Variants in PCDH11X observed in about 807,000 individuals in gnomAD.
PCDH11X encodes protocadherin-11 X-linked.
PCDH11X carries 18 observed loss-of-function variants against 53.3 expected under a neutral mutation model. The observed-to-expected ratio is 0.34, with a 90% CI of 0.23 to 0.50. The LOEUF (loss-of-function observed/expected upper bound fraction) is 0.50, where lower values mean the gene tolerates loss of function less well. Among genes scored for constraint, PCDH11X ranks in the 20% least tolerant of loss-of-function variants. The pLI is 0.98. For synonymous variants in PCDH11X, 279 were observed against 393.3 expected (o/e 0.71, Z 3.44); for missense variants, 570 against 1,032.4 (o/e 0.55, Z 6.14).
At chrX:92,448,153 G>C (rs953145328) in intron 9 of PCDH11X, among the ~76,000 whole-genome samples, 12 of 103,862 alleles carry the variant, frequency 1.2e-4, no homozygotes, top group African/African-American at 3.5e-4. Flanking sequence ...TGAGATGTTG[G>C]ACTGTGGACT....
intron 8 of PCDH11X, among the ~76,000 whole-genome samples, chrX:92,378,099 A>T (rs1405141320): frequency 9.7e-6 from 1 of 103,231 alleles, no homozygotes; most frequent in African/African-American, 3.5e-5. Context: ...AGCAATAAAA[A>T]TCCCAGAAAT....
At chrX:92,475,873 AT>A (rs1339716201) in intron 10 of PCDH11X, among the ~76,000 whole-genome samples, 1 of 111,334 alleles carries the variant, frequency 9.0e-6, no homozygotes, top group African/African-American at 3.3e-5. Flanking sequence ...CATTACTTTT[AT>A]TCTTTTTTCT....
chrX:92,366,440 G>T (rs779569696), intron 8 of PCDH11X, among the ~76,000 whole-genome samples: 1 of 109,944 alleles, frequency 9.1e-6, no homozygotes, highest in Non-Finnish European at 1.9e-5. Flanking sequence ...TCATAAAACC[G>T]GTTCCTGGAT....
At chrX:92,253,296 C>T (rs143042904) in intron 7 of PCDH11X, among the ~76,000 whole-genome samples, 1,539 of 111,568 alleles carry the variant, frequency 0.014, 23 homozygotes, top group African/African-American at 0.048. Context: ...GTTTCATTGG[C>T]TTATGTGTCT....
In PCDH11X at chrX:92,526,104, G is replaced by A. The variant is rs146940441; in HGVS notation, c.3367+57782G>A. The stretch of plus-strand genomic sequence containing the variant: ...ATAAAATTCATTCTTAATTCATCAC[G>A]GGAGATGTATGTCCTTGTAGGCTGA... On this transcript the variant is annotated intron_variant, in intron 10 of 10. Coordinates refer to ENST00000682573, the MANE Select transcript of PCDH11X (RefSeq NM_032968.5). Among the ~76,000 whole-genome samples, 540 of 111,138 alleles carry A rather than the reference G, an allele frequency of 4.9e-3. 3 individuals carry two copies. In the South Asian group the frequency reaches 0.065, roughly 13 times the overall value.
intron 8 of PCDH11X, among the ~76,000 whole-genome samples, chrX:92,345,271 G>T (rs187087443): frequency 4.5e-5 from 5 of 110,459 alleles, no homozygotes; most frequent in Admixed American, 9.7e-5. Context: ...TAGGTTACTT[G>T]CTTCTCAGAA....
At chrX:92,105,095 G>T (rs770644059) in intron 6 of PCDH11X, among the ~76,000 whole-genome samples, 1 of 111,597 alleles carries the variant, frequency 9.0e-6, no homozygotes, top group South Asian at 3.8e-4. Flanking sequence ...CCAAGGGAAG[G>T]CTGCCTTCCC....
intron 5 of PCDH11X, among the ~76,000 whole-genome samples, chrX:91,865,194 T>C (rs1241285692): frequency 4.6e-5 from 5 of 109,406 alleles, no homozygotes; most frequent in Non-Finnish European, 9.5e-5. Context: ...AGGGCTTTGG[T>C]ATTGTGATCT....
At chrX:92,072,980 G>A (rs901532144) in intron 6 of PCDH11X, among the ~76,000 whole-genome samples, 4 of 111,458 alleles carry the variant, frequency 3.6e-5, no homozygotes, top group Non-Finnish European at 5.6e-5. Flanking sequence ...CAACAACTGG[G>A]ATGGCAGATT....
At position 91,871,244 on chromosome X, in the gene PCDH11X, G is replaced by A. The variant is rs191816184; in HGVS notation, c.541-5537G>A. Among the ~76,000 whole-genome samples the A allele has an allele frequency of 5.7e-3, 633 of 110,456 alleles. 5 individuals carry two copies. The highest frequency in any genetic ancestry group is 9.1e-3 in the Non-Finnish European group (478 of 52,636). On this transcript the variant is annotated intron_variant, in intron 5 of 10. Transcript: ENST00000682573. ...CCTTAATGTTTTCTAAAACAGCCAT[G>A]TTATTGTAGTGTTATCCATTTGAAT...
intron 8 of PCDH11X, among the ~76,000 whole-genome samples, chrX:92,351,617 TTAAA>T (rs1667435578): frequency 1.8e-5 from 2 of 111,874 alleles, no homozygotes; most frequent in Admixed American, 9.6e-5. Context: ...TTTAACACAG[TTAAA>T]TAAACATGTA....
chrX:92,460,478 A>C, intron 9 of PCDH11X: 1 of 733,742 alleles, frequency 1.4e-6, no homozygotes, highest in East Asian at 3.2e-5. Flanking sequence ...TACTGGCCTC[A>C]GCAGTTTGAG....
intron 5 of PCDH11X, among the ~76,000 whole-genome samples, chrX:91,875,909 T>C (rs1283877660): frequency 1.8e-5 from 2 of 110,166 alleles, no homozygotes; most frequent in Non-Finnish European, 3.8e-5. Context: ...ATGATACTTA[T>C]GATGTTGTCT....
rs757477662 is a variant in PCDH11X, at chrX:91,824,994, A to C, written c.-44-10467A>C. Among the ~76,000 whole-genome samples, 196 of 110,472 alleles carry C rather than the reference A, an allele frequency of 1.8e-3. 5 individuals carry two copies. The Admixed American group carries it at 0.019, about 10-fold the overall frequency. Reference sequence around the variant, plus strand: ...CTCCCAGTTAGGCTGCTCGGGGGTCAGGGGTCAGGGACCCACTTGAGGAGG... The same window carrying C: ...CTCCCAGTTAGGCTGCTCGGGGGTCCGGGGTCAGGGACCCACTTGAGGAGG... On this transcript the variant is annotated intron_variant, in intron 4 of 10. Coordinates refer to ENST00000682573, the MANE Select transcript of PCDH11X (RefSeq NM_032968.5).
At chrX:92,127,164 GC>G (rs1355775700) in intron 6 of PCDH11X, among the ~76,000 whole-genome samples, 1 of 110,564 alleles carries the variant, frequency 9.0e-6, no homozygotes, top group African/African-American at 3.3e-5. Flanking sequence ...TCATTGCCAA[GC>G]CCCTATGTAT....
chrX:92,283,880 TC>T lies in PCDH11X; in HGVS notation c.3144+20739del, dbSNP rs1310725824. On this transcript the variant is annotated intron_variant, in intron 8 of 10. Coordinates refer to ENST00000682573, the MANE Select transcript of PCDH11X (RefSeq NM_032968.5). ...TAGACATATTTCTCTTACTTTACTGTCCTTTATTTTTTCTTGATGAACTTTA... is the reference window on the plus strand; with the variant it reads ...TAGACATATTTCTCTTACTTTACTGTCTTTATTTTTTCTTGATGAACTTTA... Among the ~76,000 whole-genome samples, 4 of 111,884 alleles carry T rather than the reference TC, an allele frequency of 3.6e-5. No homozygotes were observed. The East Asian group carries it at 1.1e-3, about 31-fold the overall frequency.
chrX:92,607,643 A>G (rs962167712), intron 10 of PCDH11X, among the ~76,000 whole-genome samples: 2 of 111,958 alleles, frequency 1.8e-5, no homozygotes, highest in African/African-American at 6.5e-5. Flanking sequence ...GTTAAAAAGG[A>G]CTAATTATAA....
intron 6 of PCDH11X, among the ~76,000 whole-genome samples, chrX:92,158,856 G>A (rs945479931): frequency 9.0e-6 from 1 of 111,128 alleles, no homozygotes; most frequent in African/African-American, 3.3e-5. Flanking sequence ...GGATGGTCTC[G>A]ATCTCCTGAC....
chrX:92,584,789 C>T (rs866887401), intron 10 of PCDH11X, among the ~76,000 whole-genome samples: 17 of 65,037 alleles, frequency 2.6e-4, no homozygotes, highest in African/African-American at 4.2e-4. Context: ...TCTTTTTTTC[C>T]TTTTTTTTTT....
Sources: allele counts gnomAD v4.1 joint callset (sites outside exome capture counted in the v4.1 genomes callset), GRCh38; gene constraint gnomAD v4.1.1; transcripts MANE v1.5; gene names NCBI Gene and HGNC (gene_info 2026-07-23, HGNC 2026-07-21).